Variants in SORCS3 observed in about 807,000 individuals in gnomAD.
The protein encoded by SORCS3 is sortilin related VPS10 domain containing receptor 3, also known as VPS10 domain-containing receptor SorCS3.
Under a neutral mutation model 146.3 loss-of-function variants are expected in SORCS3, and 57 were observed. That is an observed-to-expected ratio of 0.39 (90% CI 0.31 to 0.49). SORCS3 has a LOEUF of 0.49. SORCS3 is among the 20% of genes least tolerant of loss of function. The pLI, the probability that SORCS3 is intolerant of heterozygous loss-of-function variation, is 0.92. For synonymous variants in SORCS3, 653 were observed against 618.5 expected (o/e 1.06, Z -0.83); for missense variants, 1,341 against 1,575.5 (o/e 0.85, Z 2.52).
intron 22 of SORCS3, among the ~76,000 whole-genome samples, chr10:105,250,406 G>A (rs1027757250): frequency 1.3e-5 from 2 of 152,114 alleles, no homozygotes; most frequent in Non-Finnish European, 2.9e-5. Context: ...ACTTGTAATT[G>A]CAATAATAAT....
In SORCS3 at chr10:104,701,205, A is replaced by G. The variant is rs191384963; in HGVS notation, c.627+59251A>G. Among the ~76,000 whole-genome samples the G allele has an allele frequency of 2.0e-5, 3 of 152,322 alleles. No individual in the cohort carries two copies. The East Asian group carries it at 5.8e-4, about 29-fold the overall frequency. On this transcript the variant is annotated intron_variant, in intron 1 of 26. Transcript: ENST00000369701. Reference sequence around the variant, plus strand: ...TAGCATTTACCTGTTAGGGTCTTATAAAAATCTCATAGCAAGTGCAGTTAA... The same window carrying G: ...TAGCATTTACCTGTTAGGGTCTTATGAAAATCTCATAGCAAGTGCAGTTAA...
intron 4 of SORCS3, among the ~76,000 whole-genome samples, chr10:105,031,176 G>A (rs1361493266): frequency 6.6e-6 from 1 of 151,926 alleles, no homozygotes; most frequent in Non-Finnish European, 1.5e-5. Context: ...GTGGGTGCCT[G>A]TAATCCCAGC....
At chr10:105,137,335 G>A (rs546530365) in intron 7 of SORCS3, among the ~76,000 whole-genome samples, 1 of 152,210 alleles carries the variant, frequency 6.6e-6, no homozygotes, top group South Asian at 2.1e-4. Context: ...TATTTTGGGA[G>A]TATAAAAGCT....
At chr10:104,830,637 G>T (rs997796991) in intron 1 of SORCS3, among the ~76,000 whole-genome samples, 17 of 152,142 alleles carry the variant, frequency 1.1e-4, no homozygotes, top group Non-Finnish European at 1.5e-5. Flanking sequence ...CTTGAAGAGA[G>T]CTCACAGGAG....
intron 2 of SORCS3, among the ~76,000 whole-genome samples, chr10:104,872,566 A>ATTTT (rs35376112): frequency 9.8e-5 from 14 of 142,974 alleles, no homozygotes; most frequent in East Asian, 2.1e-4. Context: ...CCTCATTTTG[A>ATTTT]TTTTTTTTTT....
At chr10:104,766,153 G>T (rs1435424835) in intron 1 of SORCS3, among the ~76,000 whole-genome samples, 1 of 152,220 alleles carries the variant, frequency 6.6e-6, no homozygotes, top group Non-Finnish European at 1.5e-5. Context: ...TGGGAGAGAG[G>T]GGAGTTGGGA....
intron 4 of SORCS3, among the ~76,000 whole-genome samples, chr10:104,981,217 C>T (rs2054929891): frequency 6.6e-6 from 1 of 152,190 alleles, no homozygotes; most frequent in Admixed American, 6.5e-5. Context: ...CCCATGCCAG[C>T]TCCTTCTCTG....
intron 1 of SORCS3, among the ~76,000 whole-genome samples, chr10:104,810,617 CAT>C (rs1167018571): frequency 6.6e-6 from 1 of 152,160 alleles, no homozygotes; most frequent in African/African-American, 2.4e-5. Flanking sequence ...AAACCTAAAT[CAT>C]GTGGGCATCT....
At chr10:104,998,306 C>T (rs1400050674) in intron 4 of SORCS3, among the ~76,000 whole-genome samples, 1 of 151,952 alleles carries the variant, frequency 6.6e-6, no homozygotes, top group Non-Finnish European at 1.5e-5. Context: ...TCTCAACCTG[C>T]CTCATTTTCT....
At chr10:104,783,731 A>AAG (rs1166739496) in intron 1 of SORCS3, among the ~76,000 whole-genome samples, 3 of 151,952 alleles carry the variant, frequency 2.0e-5, no homozygotes, top group Non-Finnish European at 4.4e-5. Flanking sequence ...CGTCTCAAAA[A>AAG]AGAGAGAGAG....
At chr10:105,048,554 A>C in intron 5 of SORCS3, among the ~76,000 whole-genome samples, 1 of 100,438 alleles carries the variant, frequency 1.0e-5, no homozygotes, top group South Asian at 4.3e-4. Context: ...GGGAGGGGGG[A>C]GGGATAGCAT....
chr10:104,897,472 A>G (rs1209882460), intron 2 of SORCS3, among the ~76,000 whole-genome samples: 1 of 152,230 alleles, frequency 6.6e-6, no homozygotes, highest in Non-Finnish European at 1.5e-5. Flanking sequence ...TTCCACTAAA[A>G]TGCATAAGAT....
intron 25 of SORCS3, among the ~76,000 whole-genome samples, chr10:105,261,223 G>A (rs1055017224): frequency 3.3e-5 from 5 of 152,132 alleles, no homozygotes; most frequent in Non-Finnish European, 5.9e-5. Context: ...GTGTTGCATC[G>A]TTTCATGTTT....
At chr10:104,681,941 TC>T (rs1432954268) in intron 1 of SORCS3, among the ~76,000 whole-genome samples, 9 of 152,190 alleles carry the variant, frequency 5.9e-5, no homozygotes, top group African/African-American at 7.2e-5. Flanking sequence ...TTAGTTTTCC[TC>T]CTGTAAATGT....
intron 5 of SORCS3, among the ~76,000 whole-genome samples, chr10:105,073,291 G>A (rs74157412): frequency 6.6e-6 from 1 of 152,070 alleles, no homozygotes; most frequent in African/African-American, 2.4e-5. Context: ...AGATCTTGCA[G>A]GGGGATTTGG....
intron 5 of SORCS3, among the ~76,000 whole-genome samples, chr10:105,088,131 G>C (rs368208841): frequency 8.5e-5 from 13 of 152,330 alleles, no homozygotes; most frequent in African/African-American, 3.1e-4. Context: ...GAGTGGATAA[G>C]GACGTTGGAG....
intron 5 of SORCS3, among the ~76,000 whole-genome samples, chr10:105,071,804 T>C (rs2055558313): frequency 6.6e-6 from 1 of 152,234 alleles, no homozygotes; most frequent in African/African-American, 2.4e-5. Context: ...CACAAAGCTC[T>C]CTTTTATCCC....
chr10:104,993,505 T>C lies in SORCS3; in HGVS notation c.954+16012T>C, dbSNP rs148230605. Among the ~76,000 whole-genome samples the C allele has an allele frequency of 5.0e-3, 768 of 152,296 alleles. 6 individuals carry two copies. The highest frequency in any genetic ancestry group is 8.6e-3 in the Admixed American group (131 of 15,306). ...TTCTAATAGGCAGCTAGGGAATGAA[T>C]GAGGGGAAAAAAGATACGTTAGCTT... On this transcript the variant is annotated intron_variant, in intron 4 of 26. Transcript: ENST00000369701.
intron 19 of SORCS3, 65 bp from the exon 20 acceptor site, chr10:105,223,051 G>A (rs980448261): frequency 1.4e-5 from 20 of 1,476,368 alleles, no homozygotes; most frequent in Non-Finnish European, 1.8e-5. Flanking sequence ...TAAGAATCTA[G>A]GGGTGTGATA....
Sources: gnomAD v4.1 joint callset for allele counts (sites outside exome capture counted in the v4.1 genomes callset) on GRCh38, gnomAD v4.1.1 for gene constraint, MANE v1.5 for transcripts, NCBI Gene and HGNC (gene_info 2026-07-23, HGNC 2026-07-21) for gene names.